THOC2: variants seen among roughly 807,000 people sequenced by gnomAD.
THOC2 encodes THO complex 2.
A neutral mutation model predicts 128.4 loss-of-function variants in THOC2; 10 were observed. That is an observed-to-expected ratio of 0.08 (90% CI 0.05 to 0.13). The LOEUF (loss-of-function observed/expected upper bound fraction) is 0.13. THOC2 is among the 10% of genes least tolerant of loss of function. The pLI is 1.00. For synonymous variants in THOC2, 393 were observed against 396.9 expected (o/e 0.99, Z 0.12); for missense variants, 535 against 1,155.7 (o/e 0.46, Z 7.79).
chrX:123,678,258 GTT>G (rs944422876), intron 8 of THOC2, among the ~76,000 whole-genome samples: 3 of 103,825 alleles, frequency 2.9e-5, no homozygotes, highest in Admixed American at 2.1e-4. Context: ...TGGGGTCCAT[GTT>G]TTCAAACTTT....
At chrX:123,685,586 T>C (rs2049969605) in intron 8 of THOC2, among the ~76,000 whole-genome samples, 1 of 111,728 alleles carries the variant, frequency 9.0e-6, no homozygotes, top group Admixed American at 9.6e-5. Flanking sequence ...GACTAGAATA[T>C]TAGATTTAAG....
chrX:123,639,341 G>A lies in THOC2; in HGVS notation c.1747-314C>T, dbSNP rs144956842. Among the ~76,000 whole-genome samples, 608 of 111,426 alleles carry A rather than the reference G, an allele frequency of 5.5e-3. 3 individuals carry two copies. The highest frequency in any genetic ancestry group is 0.023 in the Middle Eastern group (5 of 218). On this transcript the variant is annotated intron_variant, in intron 16 of 38. Coordinates refer to ENST00000245838, the MANE Select transcript of THOC2 (RefSeq NM_001081550.2). ...AATGAATCTGTAGATTCCTTTGGGC[G>A]GTATGGACATTTTAACTACATTGAT...
chrX:123,610,724 G>A (rs139619940), intron 38 of THOC2, among the ~76,000 whole-genome samples, 194 bp downstream of exon 38: 4,082 of 111,853 alleles, frequency 0.036, 206 homozygotes, highest in African/African-American at 0.13. Flanking sequence ...TGGCTAATCA[G>A]CAAGCTTAAA....
At chrX:123,648,341 C>G (rs1439715113) in intron 12 of THOC2, among the ~76,000 whole-genome samples, 3 of 112,205 alleles carry the variant, frequency 2.7e-5, no homozygotes, top group African/African-American at 9.7e-5. Flanking sequence ...TGTGCCTACA[C>G]TACCAGGGTC....
intron 36 of THOC2, among the ~76,000 whole-genome samples, chrX:123,612,367 T>C (rs1057254647): frequency 8.9e-6 from 1 of 111,824 alleles, no homozygotes; most frequent in Non-Finnish European, 1.9e-5. Context: ...ATGAAGTAAA[T>C]GACACATGCT....
intron 12 of THOC2, among the ~76,000 whole-genome samples, chrX:123,654,872 C>T (rs1322718725): frequency 9.3e-6 from 1 of 107,687 alleles, no homozygotes; most frequent in Non-Finnish European, 1.9e-5. Context: ...TATAAAGACA[C>T]AGTAGCTGAT....
intron 2 of THOC2, among the ~76,000 whole-genome samples, chrX:123,708,019 G>GT (rs1249793272): frequency 9.3e-6 from 1 of 107,925 alleles, no homozygotes; most frequent in Non-Finnish European, 1.9e-5. Context: ...GTTATGCCAG[G>GT]TACTCAGGAG....
rs2051038261 is a variant in THOC2, at chrX:123,708,550, C to T, written c.131-1601G>A. Among the ~76,000 whole-genome samples, 3 of 108,685 alleles carry T rather than the reference C, an allele frequency of 2.8e-5. No homozygotes were observed. The Admixed American group carries it at 3.0e-4, about 11-fold the overall frequency. 94.4% of individuals were successfully genotyped at this position (108,685 alleles called of 115,157 possible). On this transcript the variant is annotated intron_variant, in intron 2 of 38. Transcript: ENST00000245838. ...GCAGTAACTTAGAAGAACAAAATAG[C>T]CAATTATCAAAAACTAAGGTCCCAT...
chrX:123,703,890 T>TAAAAAAAAAAAAAAA (rs774877149), intron 3 of THOC2, among the ~76,000 whole-genome samples: 46 of 37,007 alleles, frequency 1.2e-3, no homozygotes, highest in African/African-American at 4.1e-3. Context: ...ACTCTGTCTT[T>TAAAAAAAAAAAAAAA]AAAAAAAAAA....
At chrX:123,640,507 C>T (rs1385686662) in intron 16 of THOC2, 31 bp downstream of exon 16, 1 of 1,045,863 alleles carries the variant, frequency 9.6e-7, no homozygotes, top group South Asian at 2.3e-5. Context: ...AAAGAAAAAT[C>T]CCTTAAAATA....
At chrX:123,613,018 C>T (rs1368740684) in intron 36 of THOC2, among the ~76,000 whole-genome samples, 1 of 111,607 alleles carries the variant, frequency 9.0e-6, no homozygotes, top group Admixed American at 9.5e-5. Flanking sequence ...ACAATCAAGA[C>T]TTTATGATGC....
chrX:123,732,927 G>A, intron 1 of THOC2, 25 bp downstream of exon 1: 1 of 1,203,625 alleles, frequency 8.3e-7, no homozygotes, highest in Non-Finnish European at 1.1e-6. Context: ...CCGGCAGTGC[G>A]CCTGCCTCCG....
At chrX:123,671,549 AAG>A (rs2049278992) in intron 9 of THOC2, 118 bp downstream of exon 9, 1 of 371,522 alleles carries the variant, frequency 2.7e-6, no homozygotes, top group South Asian at 9.2e-5. Flanking sequence ...TGGGGCTTCA[AAG>A]AGTGAGACTT....
At chrX:123,665,070 C>T (rs919310202) in intron 12 of THOC2, among the ~76,000 whole-genome samples, 12 of 111,125 alleles carry the variant, frequency 1.1e-4, no homozygotes, top group Non-Finnish European at 7.5e-5. Flanking sequence ...CTAATAATCT[C>T]GCTAGATTTG....
intron 38 of THOC2, chrX:123,603,635 T>C: frequency 3.6e-6 from 2 of 551,492 alleles, no homozygotes; most frequent in Admixed American, 5.1e-5. Context: ...AGATTCCCAT[T>C]AAATGGACAG....
intron 7 of THOC2, among the ~76,000 whole-genome samples, chrX:123,692,799 G>A (rs1232410379): frequency 9.0e-6 from 1 of 111,467 alleles, no homozygotes; most frequent in Admixed American, 9.5e-5. Context: ...ACCGCATCCA[G>A]CCAAATAACT....
intron 1 of THOC2, among the ~76,000 whole-genome samples, chrX:123,713,522 A>G (rs909872563): frequency 6.4e-5 from 7 of 109,062 alleles, no homozygotes; most frequent in Admixed American, 5.9e-4. Context: ...AAAGACTATG[A>G]CACATTATGT....
intron 1 of THOC2, among the ~76,000 whole-genome samples, chrX:123,731,246 A>G (rs2052237771): frequency 8.9e-6 from 1 of 111,930 alleles, no homozygotes; most frequent in Admixed American, 9.5e-5. Context: ...ATAGTTAAAA[A>G]CGAAGATTTA....
In THOC2 at chrX:123,615,469, T is replaced by C. The variant is rs146581898; in HGVS notation, c.4312-1280A>G. Among the ~76,000 whole-genome samples, 932 of 110,721 alleles carry C rather than the reference T, an allele frequency of 8.4e-3. 8 individuals are homozygous for C. Among genetic ancestry groups the C allele is most frequent in the African/African-American group, 0.028 (868 of 30,626 alleles). On this transcript the variant is annotated intron_variant, in intron 33 of 38. Coordinates refer to ENST00000245838, the MANE Select transcript of THOC2 (RefSeq NM_001081550.2). ...AGCAAGAGAACGATAGTCATAAAAA[T>C]ACTTGTCTAAAAGATACTCTTGCTG...
Sources: gnomAD v4.1 joint callset for allele counts (sites outside exome capture counted in the v4.1 genomes callset) on GRCh38, gnomAD v4.1.1 for gene constraint, MANE v1.5 for transcripts, NCBI Gene and HGNC (gene_info 2026-07-23, HGNC 2026-07-21) for gene names.